PCNX1: variants seen among roughly 807,000 people sequenced by gnomAD.
PCNX1 encodes the protein pecanex 1, also known as pecanex-like protein 1.
PCNX1 carries 78 observed loss-of-function variants against 242.2 expected under a neutral mutation model. That is an observed-to-expected ratio of 0.32 (90% CI 0.27 to 0.39). PCNX1 has a LOEUF of 0.39. Among genes scored for constraint, PCNX1 ranks in the 10% least tolerant of loss-of-function variants. The pLI is 1.00. For synonymous variants in PCNX1, 1,024 were observed against 1,032.9 expected (o/e 0.99, Z 0.17); for missense variants, 2,581 against 2,856.5 (o/e 0.90, Z 2.20).
chr14:71,026,533 C>G (rs1218458290), intron 14 of PCNX1, among the ~76,000 whole-genome samples: 1 of 151,818 alleles, frequency 6.6e-6, no homozygotes, highest in African/African-American at 2.4e-5. Context: ...GTTTTGTTAT[C>G]TTAGGTTTCT....
chr14:70,919,439 A>G (rs1470041647), intron 1 of PCNX1, among the ~76,000 whole-genome samples: 1 of 152,074 alleles, frequency 6.6e-6, no homozygotes, highest in Non-Finnish European at 1.5e-5. Flanking sequence ...CTGTTATCTG[A>G]GTTAAATGAT....
At chr14:70,997,715 A>G (rs1039916448) in intron 8 of PCNX1, among the ~76,000 whole-genome samples, 16 of 152,182 alleles carry the variant, frequency 1.1e-4, no homozygotes, top group African/African-American at 3.6e-4. Context: ...AAAACAATCA[A>G]TGGAGTGTAT....
intron 1 of PCNX1, among the ~76,000 whole-genome samples, chr14:70,927,495 T>C (rs1368463860): frequency 6.6e-6 from 1 of 152,208 alleles, no homozygotes; most frequent in African/African-American, 2.4e-5. Context: ...AAATGATATT[T>C]GGGTTCTGGT....
chr14:71,052,643 C>T lies in PCNX1; in HGVS notation c.4577+631C>T, dbSNP rs147773617. 5.3e-4 allele frequency among the ~76,000 whole-genome samples: 80 copies of T among 152,144 alleles called. 2 individuals carry two copies. In the East Asian group the frequency reaches 0.014, roughly 27 times the overall value. ...TCTGCAACTTTATGCTATATAATAT[C>T]GTTATAACAGTCATAATGAGTTATA... On this transcript the variant is annotated intron_variant, in intron 24 of 35. Transcript: ENST00000304743.
intron 26 of PCNX1, among the ~76,000 whole-genome samples, chr14:71,059,093 G>A (rs1410001551): frequency 6.6e-6 from 1 of 152,004 alleles, no homozygotes; most frequent in East Asian, 1.9e-4. Context: ...TGCATGGGAG[G>A]CTGTTTTATC....
chr14:71,069,215 G>T (rs1323315475), intron 26 of PCNX1, among the ~76,000 whole-genome samples: 1 of 152,032 alleles, frequency 6.6e-6, no homozygotes, highest in Non-Finnish European at 1.5e-5. Context: ...CTCCCACTAG[G>T]TCCCTCTCAC....
chr14:71,046,933 C>T, intron 20 of PCNX1, 31 bp from the exon 21 acceptor site: 4 of 1,567,668 alleles, frequency 2.6e-6, no homozygotes, highest in South Asian at 2.4e-5. Context: ...CATTTGATGA[C>T]ATGTAGTCTT....
chr14:71,049,408 C>A (rs1013685451), intron 22 of PCNX1, among the ~76,000 whole-genome samples: 2 of 151,994 alleles, frequency 1.3e-5, no homozygotes, highest in Non-Finnish European at 2.9e-5. Context: ...ATTAAGATAT[C>A]ATTGTAAGGT....
chr14:70,920,004 A>G lies in PCNX1; in HGVS notation c.153+12001A>G, dbSNP rs115271893. On this transcript the variant is annotated intron_variant, in intron 1 of 35. Transcript: ENST00000304743. The stretch of plus-strand genomic sequence containing the variant: ...AGAACAGGCAGGAAGATTAATCACA[A>G]CTTTGAGAAGCTTGAATCACGTGTC... 4.9e-3 allele frequency among the ~76,000 whole-genome samples: 749 copies of G among 151,856 alleles called. 6 individuals are homozygous for G. The highest frequency in any genetic ancestry group is 0.017 in the African/African-American group (712 of 41,398).
intron 6 of PCNX1, among the ~76,000 whole-genome samples, chr14:70,980,048 A>C (rs575387674): frequency 6.6e-6 from 1 of 152,030 alleles, no homozygotes; most frequent in South Asian, 2.1e-4. Context: ...AGTATGCAAG[A>C]AACCATTGGA....
chr14:70,924,982 G>T (rs954482847), intron 1 of PCNX1, among the ~76,000 whole-genome samples: 23 of 144,238 alleles, frequency 1.6e-4, no homozygotes, highest in Admixed American at 1.3e-3. Flanking sequence ...TTCACATCTG[G>T]TTTTTTTTTT....
At chr14:70,999,263 C>T (rs992287045) in intron 8 of PCNX1, among the ~76,000 whole-genome samples, 2 of 152,164 alleles carry the variant, frequency 1.3e-5, no homozygotes, top group Non-Finnish European at 2.9e-5. Flanking sequence ...GGTAGTTACA[C>T]TCTTAATTTG....
intron 1 of PCNX1, among the ~76,000 whole-genome samples, chr14:70,909,453 A>T (rs1472807591): frequency 6.6e-6 from 1 of 152,158 alleles, no homozygotes; most frequent in African/African-American, 2.4e-5. Flanking sequence ...TGAACGGGTT[A>T]ATTACTTTGG....
intron 3 of PCNX1, among the ~76,000 whole-genome samples, chr14:70,962,896 G>A (rs2058266679): frequency 6.6e-6 from 1 of 152,166 alleles, no homozygotes. Flanking sequence ...CAAAGCCCCA[G>A]TTACTCCTGC....
At chr14:70,988,457 A>G in intron 6 of PCNX1, 110 bp from the exon 7 acceptor site, 2 of 1,070,504 alleles carry the variant, frequency 1.9e-6, no homozygotes, top group Non-Finnish European at 2.7e-6. Flanking sequence ...AGTTTGGATT[A>G]ATAAGTTCAC....
rs141276347 is a variant in PCNX1, at chr14:71,113,447, A to G, written c.*3512A>G. The G allele has an allele frequency of 3.3e-4, 51 of 152,710 alleles. No individual in the cohort carries two copies. Among genetic ancestry groups the G allele is most frequent in the African/African-American group, 1.2e-3 (51 of 41,548 alleles). 9.5% of individuals were successfully genotyped at this position (152,710 alleles called of 1,614,324 possible). A position where few individuals can be genotyped will look rare whatever the true frequency, so the allele number is the denominator to read the frequency against. ...TGTGTTTTTCTTTCTGAATTAGTTT[A>G]TTTTTCCATCACATACCAAAATATA... On this transcript the variant is annotated 3_prime_UTR_variant, in exon 36 of 36. Coordinates refer to ENST00000304743, the MANE Select transcript of PCNX1 (RefSeq NM_014982.3).
chr14:71,065,228 CCCA>C (rs1158308178), intron 26 of PCNX1, among the ~76,000 whole-genome samples: 10 of 152,198 alleles, frequency 6.6e-5, no homozygotes, highest in Admixed American at 3.9e-4. Context: ...AATTTACACT[CCCA>C]CCAACAGTGT....
chr14:71,038,599 T>C (rs1247135428), intron 19 of PCNX1, among the ~76,000 whole-genome samples: 3 of 151,348 alleles, frequency 2.0e-5, no homozygotes, highest in African/African-American at 7.3e-5. Context: ...TGTGGAGAAA[T>C]AGGAACACTT....
At chr14:70,949,324 T>G (rs1307592720) in intron 2 of PCNX1, among the ~76,000 whole-genome samples, 1 of 148,746 alleles carries the variant, frequency 6.7e-6, no homozygotes, top group Non-Finnish European at 1.5e-5. Context: ...GATACACACG[T>G]GTATACACGC....
Sources: gnomAD v4.1 joint callset for allele counts (sites outside exome capture counted in the v4.1 genomes callset) on GRCh38, gnomAD v4.1.1 for gene constraint, MANE v1.5 for transcripts, NCBI Gene and HGNC (gene_info 2026-07-23, HGNC 2026-07-21) for gene names.